MANBA: variants seen among roughly 807,000 people sequenced by gnomAD.
MANBA encodes beta-mannosidase.
Under a neutral mutation model 111.1 loss-of-function variants are expected in MANBA, and 83 were observed. The observed-to-expected ratio is 0.75, with a 90% CI of 0.63 to 0.90. MANBA has a LOEUF of 0.90. Ranked by LOEUF, MANBA falls within the 40% of genes least tolerant of loss-of-function variation. The pLI is 0.00. For synonymous variants in MANBA, 370 were observed against 378.7 expected, an observed-to-expected ratio of 0.98 and a Z score of 0.27; for missense variants, 1,036 against 1,069.0, an observed-to-expected ratio of 0.97 and a Z score of 0.43.
intron 16 of MANBA, chr4:102,633,581 A>G (rs1729483084): frequency 5.0e-6 from 2 of 396,494 alleles, no homozygotes; most frequent in Non-Finnish European, 8.9e-6. Flanking sequence ...TAACAGTATT[A>G]TTACTATCAT....
rs73836853 is a variant in MANBA at position 102,734,966 on chromosome 4, A to G, written c.178-8283T>C. Among the ~76,000 whole-genome samples the G allele has an allele frequency of 8.4e-3, 1,285 of 152,234 alleles. 24 individuals are homozygous for G. The highest frequency in any genetic ancestry group is 0.029 in the African/African-American group (1,217 of 41,530). On this transcript the variant is annotated intron_variant, in intron 1 of 16. Coordinates refer to ENST00000647097, the MANE Select transcript of MANBA (RefSeq NM_005908.4). ...CCCCCTCCTTGTGAGTTTACATTAC[A>G]TTTTGGAGTCATTATCTAATGCTGA...
chr4:102,716,076 G>A (rs943273365), intron 4 of MANBA, among the ~76,000 whole-genome samples: 13 of 151,982 alleles, frequency 8.6e-5, no homozygotes, highest in African/African-American at 2.9e-4. Context: ...TTGGGAGGCC[G>A]AGGCGGGTGG....
intron 1 of MANBA, chr4:102,730,061 G>A: frequency 1.2e-6 from 1 of 816,416 alleles, no homozygotes; most frequent in Non-Finnish European, 2.0e-6. Flanking sequence ...CTAGGGAGAA[G>A]CCTGAGGAGC....
chr4:102,682,210 G>T (rs935995235), intron 7 of MANBA, among the ~76,000 whole-genome samples: 1 of 150,410 alleles, frequency 6.6e-6, no homozygotes, highest in Non-Finnish European at 1.5e-5. Context: ...TCTATTACAG[G>T]ACTGGTAATA....
chr4:102,748,265 C>T (rs1481762977), intron 1 of MANBA, among the ~76,000 whole-genome samples: 1 of 152,190 alleles, frequency 6.6e-6, no homozygotes, highest in Admixed American at 6.5e-5. Flanking sequence ...CTACATGCCT[C>T]ACAGGATCAG....
chr4:102,738,740 C>T (rs185679046), intron 1 of MANBA, among the ~76,000 whole-genome samples: 4 of 152,222 alleles, frequency 2.6e-5, no homozygotes, highest in East Asian at 1.9e-4. Flanking sequence ...AGCAATGGAT[C>T]GAACCAAGAA....
intron 13 of MANBA, 125 bp from the exon 14 acceptor site, chr4:102,639,982 G>C: frequency 2.0e-6 from 2 of 1,011,508 alleles, no homozygotes; most frequent in South Asian, 2.7e-5. Flanking sequence ...GATAAAATTA[G>C]GGAATTTAAT....
At chr4:102,727,339 A>G (rs1212806578) in intron 1 of MANBA, 2 of 691,046 alleles carry the variant, frequency 2.9e-6, no homozygotes, top group East Asian at 5.1e-5. Flanking sequence ...TCAGTTTTCC[A>G]TTGGTCTGTA....
chr4:102,642,789 T>C (rs180805286), intron 13 of MANBA, among the ~76,000 whole-genome samples: 2 of 152,104 alleles, frequency 1.3e-5, no homozygotes, highest in African/African-American at 4.8e-5. Context: ...CCAATATCCC[T>C]TTCCTCCAGA....
chr4:102,754,014 AAAAG>A, intron 1 of MANBA: 1 of 355,300 alleles, frequency 2.8e-6, no homozygotes, highest in Non-Finnish European at 5.6e-6. Context: ...AAAAAAAAAA[AAAAG>A]AAAAAAAAAA....
intron 13 of MANBA, among the ~76,000 whole-genome samples, chr4:102,642,228 C>G (rs143324246): frequency 2.6e-5 from 4 of 152,144 alleles, no homozygotes; most frequent in African/African-American, 9.7e-5. Flanking sequence ...AAAGGGCAAT[C>G]TTTACACATA....
intron 5 of MANBA, among the ~76,000 whole-genome samples, chr4:102,702,034 T>C (rs971131745): frequency 6.6e-5 from 10 of 152,236 alleles, no homozygotes; most frequent in African/African-American, 1.7e-4. Flanking sequence ...CATAGTCCCA[T>C]ATTTCTTGGA....
chr4:102,635,903 C>T lies in MANBA; in HGVS notation c.2119G>A (p.Val707Met). 6.2e-7 allele frequency: 1 copy of T among 1,612,310 alleles called. No homozygotes were observed. ...ENENTFYIYG[V>M]SDLHSDYSMT... ...GAATAATCCGAGTGAAGATCTGACA[C>T]ACCATAGATATAGAACGTGTTTTCA... The change falls in exon 15 of 17, where the codon GTG (valine) becomes ATG (methionine). Residue 707 changes from valine to methionine, a missense_variant. Val to Met is a conservative substitution (Grantham distance 21, BLOSUM62 1). Coordinates refer to ENST00000647097, the MANE Select transcript of MANBA (RefSeq NM_005908.4).
rs575974795 is a variant in MANBA, at chr4:102,723,960, G to T, written c.280C>A (p.Gln94Lys). Residue 94 changes from glutamine to lysine, a missense_variant, in exon 3 of 17, where the codon CAA (glutamine) becomes AAA (lysine). Physicochemically the swap from Gln to Lys is moderately conservative, Grantham distance 53. Transcript: ENST00000647097. ...CCCTCAAGAATCAAATTTACTTTTT[G>T]CCATTTGCTAAAAAAAAGAAAAGAT... ...FKIPFEISKW[Q>K]KVNLILEGVD... 38 of 1,594,232 alleles carry T rather than the reference G, an allele frequency of 2.4e-5. No individual in the cohort carries two copies. The East Asian group carries it at 7.8e-4, about 33-fold the overall frequency.
At chr4:102,671,998 G>A (rs1731519897) in intron 8 of MANBA, 2 of 399,266 alleles carry the variant, frequency 5.0e-6, no homozygotes, top group Non-Finnish European at 8.8e-6. Flanking sequence ...CAGGCACCAC[G>A]GCAGGCTTAC....
Position 102,723,039 on chromosome 4 carries a change from G to T in MANBA, c.381C>A (p.Ser127Arg). Residue 127 changes from serine to arginine, a missense_variant and splice_region_variant, in exon 4 of 17, where the codon AGC becomes AGA. By Grantham distance (110) the Ser-to-Arg change is moderately radical. Coordinates refer to ENST00000647097, the MANE Select transcript of MANBA (RefSeq NM_005908.4). ...GETDNMFNRY[S>R]FDITNVVRDV... is the part of the protein sequence containing the mutation. ...CCCTGACCACGTTGGTAATATCAAAGCTCTAAGTTAAAGGGAACAATCAGA... is the reference window on the plus strand; with the variant it reads ...CCCTGACCACGTTGGTAATATCAAATCTCTAAGTTAAAGGGAACAATCAGA... 6.2e-7 allele frequency: 1 copy of T among 1,613,326 alleles called. No individual in the cohort carries two copies. The highest frequency in any genetic ancestry group is 8.5e-7 in the Non-Finnish European group (1 of 1,179,490).
Position 102,724,748 on chromosome 4 carries a change from G to A in MANBA, c.273-781C>T, listed in dbSNP as rs114042268. On this transcript the variant is annotated intron_variant, in intron 2 of 16. Transcript: ENST00000647097. The stretch of plus-strand genomic sequence containing the variant: ...GTCTGCAATCTGGTTGGCATTTGGT[G>A]GCTGGCTGGCAATATTGTTGAACAA... Among the ~76,000 whole-genome samples, 878 of 152,276 alleles carry A rather than the reference G, an allele frequency of 5.8e-3. 14 individuals are homozygous for A. Among genetic ancestry groups the A allele is most frequent in the African/African-American group, 0.02 (834 of 41,552 alleles).
chr4:102,693,904 A>G (rs1330285392), intron 5 of MANBA, among the ~76,000 whole-genome samples: 1 of 152,200 alleles, frequency 6.6e-6, no homozygotes, highest in East Asian at 1.9e-4. Flanking sequence ...GCTATTGTAA[A>G]GACTCCCTTT....
chr4:102,643,896 T>C (rs1729990231), intron 13 of MANBA, among the ~76,000 whole-genome samples: 1 of 152,262 alleles, frequency 6.6e-6, no homozygotes, highest in South Asian at 2.1e-4. Flanking sequence ...TTTTGTTTTC[T>C]GTTTTTGATG....
Sources: gnomAD v4.1 joint callset for allele counts (sites outside exome capture counted in the v4.1 genomes callset) on GRCh38, gnomAD v4.1.1 for gene constraint, MANE v1.5 for transcripts, NCBI Gene and HGNC (gene_info 2026-07-23, HGNC 2026-07-21) for gene names.